Variants in CD7 observed in about 807,000 individuals in gnomAD.
CD7 encodes the protein T-cell antigen CD7.
CD7 carries 19 observed loss-of-function variants against 17.6 expected under a neutral mutation model. The observed-to-expected ratio is 1.08, with a 90% confidence interval of 0.75 to 1.58. The LOEUF is 1.58. CD7 is among the 40% of genes most tolerant of loss of function. The pLI, the probability that CD7 is intolerant of heterozygous loss-of-function variation, is 0.00. For missense variants in CD7, 291 were observed against 327.1 expected (o/e 0.89, Z 0.85); for synonymous variants, 160 against 159.8 (o/e 1.00, Z -0.01).
intron 1 of CD7, 196 bp from the exon 2 acceptor site, chr17:82,317,177 T>G: frequency 1.5e-6 from 1 of 662,212 alleles, no homozygotes; most frequent in Non-Finnish European, 2.5e-6. Flanking sequence ...TGTCCTCGTG[T>G]TCCGAGACTG....
chr17:82,317,413 C>A lies in CD7; in HGVS notation c.82+1G>T, dbSNP rs1339147204. ...CCATGGAGAGCCTGGGAAGCTCTTACCTTGGGCAGCCAGGGCCCCAGGCAG... is the reference window on the plus strand; with the variant it reads ...CCATGGAGAGCCTGGGAAGCTCTTAACTTGGGCAGCCAGGGCCCCAGGCAG... On this transcript the variant is annotated splice_donor_variant, in intron 1 of 3. Coordinates refer to ENST00000312648, the MANE Select transcript of CD7 (RefSeq NM_006137.7). LOFTEE classifies it high-confidence loss of function. 2.6e-6 allele frequency: 4 copies of A among 1,554,846 alleles called. No homozygotes were observed. Among genetic ancestry groups the A allele is most frequent in the Non-Finnish European group, 3.5e-6 (4 of 1,151,258 alleles).
chr17:82,316,190 C>A lies in CD7; in HGVS notation c.612+5G>T. 1 of 1,555,116 alleles carries A rather than the reference C, an allele frequency of 6.4e-7. No homozygotes were observed. Among genetic ancestry groups the A allele is most frequent in the Non-Finnish European group, 8.7e-7 (1 of 1,149,188 alleles). On this transcript the variant is annotated splice_donor_5th_base_variant and intron_variant, in intron 3 of 3. Coordinates refer to ENST00000312648, the MANE Select transcript of CD7 (RefSeq NM_006137.7). Reference sequence around the variant, plus strand: ...GTGCAGGTGGCAGCTGGGGCTCACACTGACCTGTGTCCTCGCCAGCACACA... The same window carrying A: ...GTGCAGGTGGCAGCTGGGGCTCACAATGACCTGTGTCCTCGCCAGCACACA...
chr17:82,317,297 G>T (rs371661907), intron 1 of CD7, 117 bp downstream of exon 1: 1,171 of 1,040,232 alleles, frequency 1.1e-3, no homozygotes, highest in Non-Finnish European at 1.5e-3. Flanking sequence ...ACTGGAGGCC[G>T]CTCAGCACCC....
chr17:82,316,442 C>A, intron 2 of CD7, 33 bp from the exon 3 acceptor site: 1 of 1,515,714 alleles, frequency 6.6e-7, no homozygotes, highest in East Asian at 2.4e-5. Context: ...GGGATTCTCC[C>A]GGTGGAGAAC....
At position 82,315,363 on chromosome 17, in the gene CD7, G is replaced by A. The variant is rs765102664; in HGVS notation, c.681C>T (p.His227=). The A allele has an allele frequency of 2.5e-6, 4 of 1,613,472 alleles. No homozygotes were observed. Among genetic ancestry groups the A allele is most frequent in the Middle Eastern group, 1.7e-4 (1 of 6,056 alleles). ...GGGAGGACAGCGTGTTGCAGCGGCTGTGCGACATGTCCTCGTACACCACAC... is the reference window on the plus strand; with the variant it reads ...GGGAGGACAGCGTGTTGCAGCGGCTATGCGACATGTCCTCGTACACCACAC... ...AACVVYEDMS[H]SRCNTLSSPN... Residue 227 remains histidine (H), a synonymous_variant, in exon 4 of 4, where the codon CAC becomes CAT. Transcript: ENST00000312648.
intron 2 of CD7, 33 bp downstream of exon 2, chr17:82,316,634 G>A: frequency 6.3e-7 from 1 of 1,594,990 alleles, no homozygotes. Flanking sequence ...AGCTGGGGTT[G>A]GGAGGGGGGT....
intron 3 of CD7, 83 bp downstream of exon 3, chr17:82,316,112 C>T: frequency 1.4e-6 from 2 of 1,403,332 alleles, no homozygotes; most frequent in Non-Finnish European, 2.0e-6. Context: ...GGGTTTTCCT[C>T]TGGGGCTTTG....
chr17:82,316,562 T>A (rs752163413), intron 2 of CD7, 105 bp downstream of exon 2: 1 of 1,361,866 alleles, frequency 7.3e-7, no homozygotes, highest in Non-Finnish European at 1.0e-6. Context: ...GCTGGAACAG[T>A]TCAGGCACAT....
Position 82,315,105 on chromosome 17 carries a change from A to C in CD7, c.*216T>G. ...GGTGGCGGCGTGGGCTGGGCAGGGA[A>C]GGCTTCCCGGAGGAGGCATCATTGT... On this transcript the variant is annotated 3_prime_UTR_variant, in exon 4 of 4. Transcript: ENST00000312648. 7.8e-6 allele frequency: 4 copies of C among 513,404 alleles called. No homozygotes were observed. Among genetic ancestry groups the C allele is most frequent in the East Asian group, 3.4e-5 (1 of 29,252 alleles). 31.8% of individuals were successfully genotyped at this position (513,404 alleles called of 1,614,324 possible).
rs1196258825 is a variant in CD7 at position 82,317,501 on chromosome 17, C to T, written c.-6G>A. The T allele has an allele frequency of 1.3e-6, 2 of 1,561,962 alleles. No homozygotes were observed. Among genetic ancestry groups the T allele is most frequent in the Admixed American group, 3.7e-5 (2 of 53,912 alleles). On this transcript the variant is annotated 5_prime_UTR_variant, in exon 1 of 4. Transcript: ENST00000312648. ...AGCCTCGGAGGCCCGGCCATGTTCC[C>T]CACACCCAGCTCTCCCAGCCGGGCG...
In CD7 at chr17:82,317,547, G is replaced by C; in HGVS notation, c.-52C>G. The stretch of plus-strand genomic sequence containing the variant: ...GGGCGAGTGCAGCTGAGCCTCTCTG[G>C]GTCTACAGGACCCCACAGAGAGCAG... On this transcript the variant is annotated 5_prime_UTR_variant, in exon 1 of 4. Transcript: ENST00000312648. 6.7e-7 allele frequency: 1 copy of C among 1,484,078 alleles called. No individual in the cohort carries two copies. The highest frequency in any genetic ancestry group is 2.5e-5 in the East Asian group (1 of 40,622). The allele number at this position is 1,484,078 out of a possible 1,614,324, so 91.9% of individuals were successfully genotyped here. A position where few individuals can be genotyped will look rare whatever the true frequency, so the allele number is the denominator to read the frequency against.
At chr17:82,315,950 C>T in intron 3 of CD7, 1 of 634,434 alleles carries the variant, frequency 1.6e-6, no homozygotes, top group Non-Finnish European at 2.8e-6. Flanking sequence ...CAGACACTCA[C>T]ACCTGCACAC....
chr17:82,316,482 G>A (rs2052017182), intron 2 of CD7, 73 bp from the exon 3 acceptor site: 3 of 1,412,562 alleles, frequency 2.1e-6, no homozygotes, highest in African/African-American at 1.4e-5. Context: ...TTGGGATTCG[G>A]GGCAGGGAAA....
chr17:82,317,357 T>C, intron 1 of CD7, 57 bp downstream of exon 1: 1 of 1,488,120 alleles, frequency 6.7e-7, no homozygotes. Context: ...GGCTCTGAGC[T>C]CATGGGGCAG....
chr17:82,316,558 A>G (rs764696794), intron 2 of CD7, 109 bp downstream of exon 2: 26 of 1,345,384 alleles, frequency 1.9e-5, no homozygotes, highest in Admixed American at 5.3e-5. Context: ...GGGAGCTGGA[A>G]CAGTTCAGGC....
At chr17:82,315,706 A>G (rs1463016505) in intron 3 of CD7, 1 of 540,858 alleles carries the variant, frequency 1.8e-6, no homozygotes, top group East Asian at 3.2e-5. Context: ...CCCCAGACAA[A>G]CAGCAGGGAC....
At position 82,314,968 on chromosome 17, in the gene CD7, T is replaced by C. The variant is rs1028260775; in HGVS notation, c.*353A>G. On this transcript the variant is annotated 3_prime_UTR_variant, in exon 4 of 4. Coordinates refer to ENST00000312648, the MANE Select transcript of CD7 (RefSeq NM_006137.7). The surrounding 1 kb of genome is among the most constrained non-coding windows in gnomAD (Gnocchi z 6.0). ...TGCCTGGGGGTTGGGGGCCTGCTGG[T>C]GGGTGGGCCGGCACTGACAGGAGAG... is the stretch of plus-strand genomic sequence containing the variant. 2 of 244,234 alleles carry C rather than the reference T, an allele frequency of 8.2e-6. No individual in the cohort carries two copies. The highest frequency in any genetic ancestry group is 1.7e-5 in the Non-Finnish European group (2 of 118,840). 15.1% of individuals were successfully genotyped at this position (244,234 alleles called of 1,614,324 possible). A position where few individuals can be genotyped will look rare whatever the true frequency, so the allele number is the denominator to read the frequency against.
At position 82,317,511 on chromosome 17, in the gene CD7, C is replaced by T. The variant is rs1194663530; in HGVS notation, c.-16G>A. 1 of 1,552,848 alleles carries T rather than the reference C, an allele frequency of 6.4e-7. No homozygotes were observed. The highest frequency in any genetic ancestry group is 1.9e-5 in the Admixed American group (1 of 52,438). Reference sequence around the variant, plus strand: ...GCCCGGCCATGTTCCCCACACCCAGCTCTCCCAGCCGGGCGAGTGCAGCTG... The same window carrying T: ...GCCCGGCCATGTTCCCCACACCCAGTTCTCCCAGCCGGGCGAGTGCAGCTG... On this transcript the variant is annotated 5_prime_UTR_variant, in exon 1 of 4. Transcript: ENST00000312648.
intron 3 of CD7, 177 bp downstream of exon 3, chr17:82,316,018 T>G: frequency 1.1e-5 from 8 of 725,516 alleles, no homozygotes; most frequent in East Asian, 2.7e-5. Flanking sequence ...CTCAGGTCGC[T>G]TTGGTGCTGG....
Sources: gnomAD v4.1 joint callset for allele counts on GRCh38, gnomAD v4.1.1 for gene constraint, Gnocchi (gnomAD v3.1) non-coding constraint, MANE v1.5 for transcripts, NCBI Gene and HGNC (gene_info 2026-07-23, HGNC 2026-07-21) for gene names.